Variants in TNRC6B observed in about 807,000 individuals in gnomAD.
TNRC6B encodes trinucleotide repeat-containing gene 6B protein.
A neutral mutation model predicts 203.6 loss-of-function variants in TNRC6B; 52 were observed. That is an observed-to-expected ratio of 0.26 (90% CI 0.20 to 0.32). The LOEUF is 0.32. Among genes scored for constraint, TNRC6B ranks in the 10% least tolerant of loss-of-function variants. The pLI, the probability that TNRC6B is intolerant of heterozygous loss-of-function variation, is 1.00. For missense variants in TNRC6B, 1,923 were observed against 2,286.2 expected, an observed-to-expected ratio of 0.84 and a Z score of 3.24; for synonymous variants, 838 against 845.7, an observed-to-expected ratio of 0.99 and a Z score of 0.16.
chr22:40,271,667 T>C (rs2070564858), intron 6 of TNRC6B, among the ~76,000 whole-genome samples: 1 of 152,220 alleles, frequency 6.6e-6, no homozygotes, highest in Non-Finnish European at 1.5e-5. Flanking sequence ...AGAGATCCTT[T>C]AGCAGTATAT....
At chr22:40,258,949 G>A (rs562415368) in intron 3 of TNRC6B, among the ~76,000 whole-genome samples, 4 of 152,126 alleles carry the variant, frequency 2.6e-5, no homozygotes, top group Non-Finnish European at 4.4e-5. Flanking sequence ...GTAGACCTGG[G>A]TAACTTATAA....
intron 3 of TNRC6B, among the ~76,000 whole-genome samples, chr22:40,137,485 A>T (rs888992212): frequency 6.6e-6 from 1 of 152,228 alleles, no homozygotes; most frequent in Non-Finnish European, 1.5e-5. Flanking sequence ...AGACTTCTAT[A>T]GGTACAGAAG....
At chr22:40,175,293 G>A (rs1480180847), upstream of TNRC6B, among the ~76,000 whole-genome samples, 1 of 151,862 alleles carries the variant, frequency 6.6e-6, no homozygotes, top group African/African-American at 2.4e-5. Context: ...GGAGGTGGAG[G>A]TTCCTGTGAG....
intron 12 of TNRC6B, among the ~76,000 whole-genome samples, chr22:40,294,278 A>T (rs573461797): frequency 2.0e-5 from 3 of 151,932 alleles, no homozygotes; most frequent in Admixed American, 2.0e-4. Context: ...CAATCAGTCA[A>T]TCAATCAATC....
intron 2 of TNRC6B, among the ~76,000 whole-genome samples, chr22:40,249,229 A>G (rs909925038): frequency 2.0e-5 from 3 of 152,234 alleles, no homozygotes; most frequent in African/African-American, 7.2e-5. Flanking sequence ...ATGGCCAGTA[A>G]CTAGGGCAGT....
At chr22:40,158,987 G>C (rs967907546) in intron 4 of TNRC6B, among the ~76,000 whole-genome samples, 3 of 152,026 alleles carry the variant, frequency 2.0e-5, no homozygotes, top group Non-Finnish European at 4.4e-5. Context: ...GTGTGTGACA[G>C]AGTCTCGCTC....
chr22:40,048,644 C>CA (rs1569242848), intron 1 of TNRC6B, among the ~76,000 whole-genome samples: 2 of 152,100 alleles, frequency 1.3e-5, no homozygotes, highest in East Asian at 3.9e-4. Flanking sequence ...TCCATTTAAA[C>CA]ATTTTTTTAA....
chr22:40,245,989 C>T, intron 1 of TNRC6B, 26 bp from the exon 2 acceptor site: 1 of 1,513,440 alleles, frequency 6.6e-7, no homozygotes, highest in Non-Finnish European at 8.9e-7. Flanking sequence ...GATGTATAAC[C>T]TTCTGTTATG....
chr22:40,283,910 C>T (rs1302187641), intron 11 of TNRC6B, among the ~76,000 whole-genome samples: 3 of 152,168 alleles, frequency 2.0e-5, no homozygotes, highest in African/African-American at 7.2e-5. Context: ...CTTTAGTTAC[C>T]AGTAACCCCA....
chr22:40,312,173 A>G (rs898458620), intron 17 of TNRC6B, among the ~76,000 whole-genome samples: 3 of 152,136 alleles, frequency 2.0e-5, no homozygotes, highest in Admixed American at 1.3e-4. Context: ...AGATGCTGGG[A>G]TGATTCTTGT....
intron 6 of TNRC6B, among the ~76,000 whole-genome samples, chr22:40,270,961 G>A (rs997064034): frequency 2.6e-5 from 4 of 152,178 alleles, no homozygotes; most frequent in Admixed American, 2.6e-4. Flanking sequence ...TGTGGAACAC[G>A]ATCTGTGCTG....
chr22:40,232,948 A>G (rs1318278265), intron 1 of TNRC6B, among the ~76,000 whole-genome samples: 1 of 152,016 alleles, frequency 6.6e-6, no homozygotes, highest in Non-Finnish European at 1.5e-5. Context: ...TCAGGAGATC[A>G]AGACCATCCT....
At chr22:40,154,021 G>C (rs2068786542) in intron 3 of TNRC6B, among the ~76,000 whole-genome samples, 1 of 151,386 alleles carries the variant, frequency 6.6e-6, no homozygotes, top group Non-Finnish European at 1.5e-5. Context: ...TGCCCAGACT[G>C]GAGTGCAGTG....
At chr22:40,170,547 A>ATATATATAGTTTATATATAT (rs2068970579) in intron 4 of TNRC6B, among the ~76,000 whole-genome samples, 1 of 16,940 alleles carries the variant, frequency 5.9e-5, no homozygotes, top group Non-Finnish European at 8.7e-5. Flanking sequence ...TATATATATT[A>ATATATATAGTTTATATATAT]TATATATAGT....
chr22:40,146,313 A>G (rs2068694987), intron 3 of TNRC6B, among the ~76,000 whole-genome samples: 2 of 152,212 alleles, frequency 1.3e-5, no homozygotes, highest in Non-Finnish European at 2.9e-5. Context: ...TGGTAGGGGA[A>G]GATCACCCTG....
chr22:40,069,513 G>A (rs1263321422), intron 1 of TNRC6B, among the ~76,000 whole-genome samples: 1 of 148,228 alleles, frequency 6.7e-6, no homozygotes, highest in Non-Finnish European at 1.5e-5. Flanking sequence ...TTGAGATGGA[G>A]TTTCGCTCTC....
At chr22:40,060,167 C>A (rs2146270698) in intron 1 of TNRC6B, among the ~76,000 whole-genome samples, 1 of 141,364 alleles carries the variant, frequency 7.1e-6, no homozygotes, top group East Asian at 2.0e-4. Context: ...TTTAATTTAG[C>A]AAAAAAAGTT....
intron 1 of TNRC6B, among the ~76,000 whole-genome samples, chr22:40,186,528 A>T (rs1008272148): frequency 2.0e-5 from 3 of 152,004 alleles, no homozygotes; most frequent in African/African-American, 7.3e-5. Flanking sequence ...TCACAAGGTC[A>T]GGAGATCGAG....
intron 1 of TNRC6B, among the ~76,000 whole-genome samples, chr22:40,110,080 A>T (rs1191650397): frequency 6.6e-6 from 1 of 152,256 alleles, no homozygotes; most frequent in Non-Finnish European, 1.5e-5. Context: ...ATAGAAAAAG[A>T]ACAAAGGTTT....
Sources: gnomAD v4.1 joint callset for allele counts (sites outside exome capture counted in the v4.1 genomes callset) on GRCh38, gnomAD v4.1.1 for gene constraint, MANE v1.5 for transcripts, NCBI Gene and HGNC (gene_info 2026-07-23, HGNC 2026-07-21) for gene names.